The following RNGTT variants were observed in gnomAD, a reference collection of about 807,000 sequenced individuals.
RNGTT encodes the protein RNA guanylyltransferase and 5'-phosphatase.
In RNGTT, 33 loss-of-function variants were observed where a neutral mutation model predicts 79.3. The observed-to-expected ratio is 0.42, with a 90% confidence interval of 0.32 to 0.56. The LOEUF is 0.56. RNGTT is among the 20% of genes least tolerant of loss of function. The pLI, the probability that RNGTT is intolerant of heterozygous loss-of-function variation, is 0.17. For missense variants in RNGTT, 497 were observed against 739.1 expected, an observed-to-expected ratio of 0.67 and a Z score of 3.80; for synonymous variants, 222 against 235.9, an observed-to-expected ratio of 0.94 and a Z score of 0.54.
At chr6:88,879,220 C>A (rs9351191) in intron 8 of RNGTT, among the ~76,000 whole-genome samples, 6,232 of 152,114 alleles carry the variant, frequency 0.041, 189 homozygotes, top group African/African-American at 0.076. Context: ...ATAGTGAAAC[C>A]CTGTCTCTAC....
At chr6:88,797,821 G>T (rs1331343480) in intron 12 of RNGTT, among the ~76,000 whole-genome samples, 1 of 151,384 alleles carries the variant, frequency 6.6e-6, no homozygotes, top group Non-Finnish European at 1.5e-5. Context: ...GTGTGGAGGG[G>T]GTTAGTGGAA....
At chr6:88,919,983 C>A (rs930515200) in intron 4 of RNGTT, among the ~76,000 whole-genome samples, 1 of 152,110 alleles carries the variant, frequency 6.6e-6, no homozygotes, top group Non-Finnish European at 1.5e-5. Context: ...GCCACTGCAC[C>A]GAGGATTCAG....
chr6:88,657,250 G>A (rs533095503), intron 14 of RNGTT, among the ~76,000 whole-genome samples: 2 of 152,272 alleles, frequency 1.3e-5, no homozygotes, highest in African/African-American at 4.8e-5. Context: ...ATCCCCACTG[G>A]AAAACCTGAA....
intron 13 of RNGTT, among the ~76,000 whole-genome samples, chr6:88,720,599 C>T (rs1390886215): frequency 1.3e-5 from 2 of 152,038 alleles, no homozygotes; most frequent in East Asian, 3.8e-4. Context: ...ATCCCTAAAG[C>T]TCCAGAGATG....
At chr6:88,815,397 T>A (rs1225796498) in intron 11 of RNGTT, among the ~76,000 whole-genome samples, 1 of 152,116 alleles carries the variant, frequency 6.6e-6, no homozygotes, top group Non-Finnish European at 1.5e-5. Context: ...AAAACTATAA[T>A]TCTTAGTGCT....
chr6:88,740,468 G>A (rs1562227795), intron 13 of RNGTT, among the ~76,000 whole-genome samples: 2 of 151,982 alleles, frequency 1.3e-5, no homozygotes. Flanking sequence ...GCAGTGAGCT[G>A]TGATCAAATC....
At chr6:88,728,643 T>A (rs1472580061) in intron 13 of RNGTT, among the ~76,000 whole-genome samples, 1 of 152,212 alleles carries the variant, frequency 6.6e-6, no homozygotes, top group Non-Finnish European at 1.5e-5. Context: ...GGTTCCCTTC[T>A]TTAAGCCAGT....
intron 14 of RNGTT, among the ~76,000 whole-genome samples, chr6:88,670,432 C>A (rs987748952): frequency 1.3e-5 from 2 of 151,974 alleles, no homozygotes; most frequent in Middle Eastern, 3.2e-3. Flanking sequence ...GTCTGTCTCG[C>A]AAAAAGACCT....
chr6:88,946,384 C>G (rs1018950254), intron 1 of RNGTT, among the ~76,000 whole-genome samples: 2 of 152,172 alleles, frequency 1.3e-5, no homozygotes, highest in Admixed American at 6.5e-5. Context: ...GTCTCTCTCC[C>G]TCTCCTGGAG....
chr6:88,621,629 C>T (rs1328233460), intron 14 of RNGTT, among the ~76,000 whole-genome samples: 2 of 151,952 alleles, frequency 1.3e-5, no homozygotes, highest in South Asian at 2.1e-4. Flanking sequence ...TCTTGTTTCT[C>T]GGTGTCTAAG....
chr6:88,646,378 T>C (rs890999172), intron 14 of RNGTT, among the ~76,000 whole-genome samples: 1 of 152,104 alleles, frequency 6.6e-6, no homozygotes, highest in Non-Finnish European at 1.5e-5. Context: ...AACAGGAACA[T>C]TTTTACACTG....
chr6:88,926,015 C>T (rs1784308283), intron 4 of RNGTT, among the ~76,000 whole-genome samples: 1 of 152,126 alleles, frequency 6.6e-6, no homozygotes, highest in South Asian at 2.1e-4. Flanking sequence ...AGGAGCACTC[C>T]TAAAAGAAAA....
At chr6:88,827,108 C>T (rs1780693629) in intron 11 of RNGTT, among the ~76,000 whole-genome samples, 1 of 151,762 alleles carries the variant, frequency 6.6e-6, no homozygotes, top group South Asian at 2.1e-4. Context: ...GCAAGATGGC[C>T]AAATAGGTAC....
chr6:88,628,519 T>C (rs1343096711), intron 14 of RNGTT, among the ~76,000 whole-genome samples: 1 of 152,208 alleles, frequency 6.6e-6, no homozygotes, highest in East Asian at 1.9e-4. Flanking sequence ...TGGTAACTTG[T>C]ACTCAAAATT....
chr6:88,784,002 T>TA (rs1691426844), intron 12 of RNGTT, among the ~76,000 whole-genome samples: 1 of 151,930 alleles, frequency 6.6e-6, no homozygotes, highest in South Asian at 2.1e-4. Context: ...TTCAGACAAA[T>TA]AATAAGCAGT....
intron 13 of RNGTT, among the ~76,000 whole-genome samples, chr6:88,744,867 TATG>T (rs374516721): frequency 3.3e-5 from 5 of 152,304 alleles, no homozygotes; most frequent in African/African-American, 1.2e-4. Flanking sequence ...ACATTACAAA[TATG>T]ATGCTTAATA....
At chr6:88,871,472 G>C (rs1450517675) in intron 8 of RNGTT, among the ~76,000 whole-genome samples, 1 of 151,932 alleles carries the variant, frequency 6.6e-6, no homozygotes, top group Non-Finnish European at 1.5e-5. Context: ...CTTTAAGTTT[G>C]GGCTAGACTT....
intron 14 of RNGTT, among the ~76,000 whole-genome samples, chr6:88,659,398 A>C (rs895547209): frequency 6.6e-6 from 1 of 152,232 alleles, no homozygotes; most frequent in Admixed American, 6.5e-5. Flanking sequence ...TTTTTTAAAA[A>C]TACAGGATAT....
At chr6:88,874,917 C>A (rs1174672462) in intron 8 of RNGTT, among the ~76,000 whole-genome samples, 1 of 151,976 alleles carries the variant, frequency 6.6e-6, no homozygotes, top group Non-Finnish European at 1.5e-5. Flanking sequence ...TCTTTATTAG[C>A]TCTTTAGTAT....
Sources: allele counts gnomAD v4.1 joint callset (sites outside exome capture counted in the v4.1 genomes callset), GRCh38; gene constraint gnomAD v4.1.1; transcripts MANE v1.5; gene names NCBI Gene and HGNC (gene_info 2026-07-23, HGNC 2026-07-21).